TYW1B: variants seen among roughly 807,000 people sequenced by gnomAD.
TYW1B encodes S-adenosyl-L-methionine-dependent tRNA 4-demethylwyosine synthase TYW1B.
A neutral mutation model predicts 86.9 loss-of-function variants in TYW1B; 73 were observed. That is an observed-to-expected ratio of 0.84 (90% CI 0.70 to 1.02). The LOEUF is 1.02. Among genes scored for constraint, TYW1B ranks in the 50% least tolerant of loss-of-function variants. The pLI, the probability that TYW1B is intolerant of heterozygous loss-of-function variation, is 0.00. For synonymous variants in TYW1B, 248 were observed against 292.8 expected (o/e 0.85, Z 1.56); for missense variants, 637 against 827.4 (o/e 0.77, Z 2.82).
At chr7:72,816,481 G>A (rs1554479451) in intron 2 of TYW1B, among the ~76,000 whole-genome samples, 3 of 152,332 alleles carry the variant, frequency 2.0e-5, no homozygotes, top group African/African-American at 7.2e-5. Flanking sequence ...AGAGTTCACA[G>A]GGCTGTCAGA....
intron 9 of TYW1B, among the ~76,000 whole-genome samples, chr7:72,718,266 C>T (rs1383142936): frequency 6.6e-6 from 1 of 151,936 alleles, no homozygotes; most frequent in Non-Finnish European, 1.5e-5. Context: ...GGGAACTAAC[C>T]AATGGGTACA....
At chr7:72,672,690 T>A (rs782137437) in intron 11 of TYW1B, among the ~76,000 whole-genome samples, 1 of 152,162 alleles carries the variant, frequency 6.6e-6, no homozygotes, top group Admixed American at 6.5e-5. Context: ...GGACAGTAAC[T>A]GTAGATTTTG....
At chr7:72,645,906 G>A (rs1160172741) in intron 11 of TYW1B, among the ~76,000 whole-genome samples, 13 of 149,624 alleles carry the variant, frequency 8.7e-5, no homozygotes, top group Admixed American at 8.0e-4. Context: ...TGTGTGTATG[G>A]TATACTCCAA....
At chr7:72,675,849 C>T (rs1368303821) in intron 11 of TYW1B, among the ~76,000 whole-genome samples, 5 of 151,986 alleles carry the variant, frequency 3.3e-5, no homozygotes, top group Non-Finnish European at 7.4e-5. Context: ...GGCAACAGAT[C>T]ATTACAGAAT....
intron 9 of TYW1B, among the ~76,000 whole-genome samples, chr7:72,726,849 G>A (rs560127079): frequency 2.3e-4 from 35 of 152,246 alleles, no homozygotes; most frequent in African/African-American, 7.7e-4. Context: ...CAGCATGGCT[G>A]GGGAGGCCAC....
chr7:72,799,268 C>G (rs1183723523), intron 6 of TYW1B, among the ~76,000 whole-genome samples: 1 of 146,302 alleles, frequency 6.8e-6, no homozygotes, highest in Non-Finnish European at 1.5e-5. Context: ...AAAAGATTCT[C>G]GTGCCTCAGC....
chr7:72,587,255 G>T (rs1372741685), intron 13 of TYW1B, among the ~76,000 whole-genome samples: 2 of 152,146 alleles, frequency 1.3e-5, no homozygotes, highest in Non-Finnish European at 2.9e-5. Flanking sequence ...AAAAAAGAGT[G>T]TTACTGAAAC....
chr7:72,616,918 T>G (rs1554437046), intron 12 of TYW1B, 79 bp from the exon 13 acceptor site: 1 of 1,575,198 alleles, frequency 6.3e-7, no homozygotes, highest in African/African-American at 1.4e-5. Flanking sequence ...CCGGAAAGCC[T>G]TCTTGAGGTC....
At chr7:72,632,367 G>GTATATATATAATATATATA (rs1195035421) in intron 11 of TYW1B, among the ~76,000 whole-genome samples, 2 of 60,468 alleles carry the variant, frequency 3.3e-5, no homozygotes, top group African/African-American at 1.8e-4. Flanking sequence ...ATATATATAC[G>GTATATATATAATATATATA]CATATATATT....
intron 7 of TYW1B, among the ~76,000 whole-genome samples, chr7:72,756,201 T>TTTTTA (rs66806955): frequency 0.056 from 7,777 of 138,776 alleles, 279 homozygotes; most frequent in African/African-American, 0.069. Context: ...GTTTATTATT[T>TTTTTA]TTTTATTTTA....
chr7:72,603,813 T>C (rs1554434349), intron 13 of TYW1B, among the ~76,000 whole-genome samples: 1 of 152,102 alleles, frequency 6.6e-6, no homozygotes, highest in African/African-American at 2.4e-5. Context: ...CAAATTTCAA[T>C]AATAGGGCAT....
At chr7:72,608,299 G>A (rs1439328927) in intron 13 of TYW1B, among the ~76,000 whole-genome samples, 4 of 152,202 alleles carry the variant, frequency 2.6e-5, no homozygotes, top group Non-Finnish European at 5.9e-5. Flanking sequence ...CTTCTCTTGA[G>A]TTTTCTAAGT....
At chr7:72,751,083 G>C (rs1443066046) in intron 7 of TYW1B, among the ~76,000 whole-genome samples, 2 of 150,920 alleles carry the variant, frequency 1.3e-5, no homozygotes, top group Admixed American at 6.6e-5. Flanking sequence ...TGTCACCCAG[G>C]CTGAAGTGCG....
At chr7:72,643,218 GC>G (rs1554441682) in intron 11 of TYW1B, among the ~76,000 whole-genome samples, 1 of 152,010 alleles carries the variant, frequency 6.6e-6, no homozygotes, top group African/African-American at 2.4e-5. Context: ...TAGAAGAAAT[GC>G]CATAAAATAA....
chr7:72,627,221 G>A (rs1243412046), intron 12 of TYW1B, among the ~76,000 whole-genome samples: 12 of 152,186 alleles, frequency 7.9e-5, no homozygotes, highest in African/African-American at 2.9e-4. Flanking sequence ...GCTGAGGTGG[G>A]TGGATCACTC....
At chr7:72,824,703 T>G (rs1307330847) in intron 2 of TYW1B, among the ~76,000 whole-genome samples, 5 of 152,124 alleles carry the variant, frequency 3.3e-5, no homozygotes, top group Non-Finnish European at 7.3e-5. Flanking sequence ...ATCACACCAC[T>G]GCACTCCAGG....
chr7:72,678,730 C>A (rs1419418982), intron 11 of TYW1B, among the ~76,000 whole-genome samples: 4 of 146,900 alleles, frequency 2.7e-5, no homozygotes, highest in African/African-American at 1.0e-4. Flanking sequence ...TTAGTAGAGA[C>A]GGGGTTTCAC....
intron 11 of TYW1B, among the ~76,000 whole-genome samples, chr7:72,688,078 G>C (rs1554449739): frequency 6.6e-6 from 1 of 152,076 alleles, no homozygotes; most frequent in East Asian, 1.9e-4. Context: ...TGTACAACAT[G>C]ATTTCAATTT....
rs192916532 is a variant in TYW1B, at chr7:72,688,154, T to G, written c.1506+6533A>C. 7.2e-5 allele frequency among the ~76,000 whole-genome samples: 11 copies of G among 152,342 alleles called. No homozygotes were observed. The East Asian group carries it at 1.5e-3, about 21-fold the overall frequency. On this transcript the variant is annotated intron_variant, in intron 11 of 13. Transcript: ENST00000620995. ...AAACTGTAGAAGATGTAATACAATATAGTAACTGTTTACCTTTGAATTCTG... is the reference window on the plus strand; with the variant it reads ...AAACTGTAGAAGATGTAATACAATAGAGTAACTGTTTACCTTTGAATTCTG...
Sources: allele counts gnomAD v4.1 joint callset (sites outside exome capture counted in the v4.1 genomes callset), GRCh38; gene constraint gnomAD v4.1.1; transcripts MANE v1.5; gene names NCBI Gene and HGNC (gene_info 2026-07-23, HGNC 2026-07-21).